MMP24: variants seen among roughly 807,000 people sequenced by gnomAD.
The protein encoded by MMP24 is matrix metallopeptidase 24, also known as matrix metalloproteinase-24.
MMP24 carries 25 observed loss-of-function variants against 62.8 expected under a neutral mutation model. The ratio of observed to expected loss-of-function variants is 0.40; its 90% confidence interval spans 0.29 to 0.56. The LOEUF (loss-of-function observed/expected upper bound fraction) is 0.56, where lower values mean the gene tolerates loss of function less well. Among genes scored for constraint, MMP24 ranks in the 20% least tolerant of loss-of-function variants. The pLI, the probability that MMP24 is intolerant of heterozygous loss-of-function variation, is 0.50. For synonymous variants in MMP24, 319 were observed against 350.5 expected (o/e 0.91, Z 1.00); for missense variants, 634 against 853.6 (o/e 0.74, Z 3.21).
chr20:35,227,118 C>T, intron 1 of MMP24, 134 bp downstream of exon 1: 10 of 734,578 alleles, frequency 1.4e-5, no homozygotes, highest in Non-Finnish European at 1.5e-5. Flanking sequence ...GGGTCCGCGC[C>T]TTGGGTCCGG....
chr20:35,237,432 A>G (rs139553908), intron 1 of MMP24, among the ~76,000 whole-genome samples: 2 of 152,262 alleles, frequency 1.3e-5, no homozygotes, highest in Non-Finnish European at 2.9e-5. Flanking sequence ...TTCCTCTTAT[A>G]AGGATGCTTG....
chr20:35,245,605 C>T (rs762588390), intron 1 of MMP24, among the ~76,000 whole-genome samples: 10 of 151,860 alleles, frequency 6.6e-5, no homozygotes, highest in African/African-American at 9.7e-5. Context: ...TGCACCACCA[C>T]GACTGGCTAA....
At chr20:35,231,743 C>A (rs2060438691) in intron 1 of MMP24, among the ~76,000 whole-genome samples, 1 of 152,100 alleles carries the variant, frequency 6.6e-6, no homozygotes, top group African/African-American at 2.4e-5. Flanking sequence ...TCTAAGGACC[C>A]ACACATAGCT....
rs188446136 is a variant in MMP24, at chr20:35,265,421, G to C, written c.979+1469G>C. 3.2e-3 allele frequency among the ~76,000 whole-genome samples: 478 copies of C among 150,286 alleles called. 1 individual carries two copies. The highest frequency in any genetic ancestry group is 5.3e-3 in the Non-Finnish European group (358 of 67,784). On this transcript the variant is annotated intron_variant, in intron 5 of 8. Transcript: ENST00000246186. ...CACACCACTGCACTCCAGCCTAGGC[G>C]ACAGAGTGAGACTCCGTCTCAAAAA...
chr20:35,269,782 G>C lies in MMP24; in HGVS notation c.1217G>C (p.Arg406Pro). 1 of 1,572,378 alleles carries C rather than the reference G, an allele frequency of 6.4e-7. No individual in the cohort carries two copies. The highest frequency in any genetic ancestry group is 8.6e-7 in the Non-Finnish European group (1 of 1,159,094). Residue 406 changes from arginine (R) to proline (P), a missense_variant, in exon 7 of 9, where the codon CGC becomes CCC. This residue lies in a region of MMP24 where 399 missense variants were observed against 530.8 expected (regional missense o/e 0.75). Coordinates refer to ENST00000246186, the MANE Select transcript of MMP24 (RefSeq NM_006690.4). The surrounding 1 kb of genome is among the most constrained non-coding windows in gnomAD (Gnocchi z 4.6). The part of the protein sequence containing the change: ...VFKDRWFWRL[R>P]NNRVQEGYPM... ...CAGGATCGCTGGTTCTGGCGTCTGC[G>C]CAATAACCGAGTGCAGGAGGGCTAC...
At position 35,246,844 on chromosome 20, in the gene MMP24, GGTTAAA is replaced by G. The variant is rs1188148885; in HGVS notation, c.254_259del (p.Leu85_Lys86del). 1 of 1,613,966 alleles carries G rather than the reference GGTTAAA, an allele frequency of 6.2e-7. No homozygotes were observed. Among genetic ancestry groups the G allele is most frequent in the Non-Finnish European group, 8.5e-7 (1 of 1,179,858 alleles). ...TTTCTTTCCCGTGTCTTTCAGAACTGGTTAAAGTCCTATGGCTATCTGCTTCCCTAT... is the reference window on the plus strand; with the variant it reads ...TTTCTTTCCCGTGTCTTTCAGAACTGGTCCTATGGCTATCTGCTTCCCTAT... On this transcript the variant is annotated inframe_deletion, in exon 2 of 9. Coordinates refer to ENST00000246186, the MANE Select transcript of MMP24 (RefSeq NM_006690.4).
chr20:35,237,975 A>G (rs2060471635), intron 1 of MMP24, among the ~76,000 whole-genome samples: 1 of 152,234 alleles, frequency 6.6e-6, no homozygotes, highest in South Asian at 2.1e-4. Context: ...GCATTAAGCC[A>G]ATATAGCAAT....
intron 1 of MMP24, among the ~76,000 whole-genome samples, chr20:35,245,731 G>A (rs1289301193): frequency 2.0e-5 from 3 of 149,772 alleles, no homozygotes; most frequent in African/African-American, 7.4e-5. Flanking sequence ...TTTTAGGCGC[G>A]AACCACCACG....
At chr20:35,263,979 CT>C in intron 5 of MMP24, 27 bp downstream of exon 5, 1 of 1,573,000 alleles carries the variant, frequency 6.4e-7, no homozygotes, top group Non-Finnish European at 8.6e-7. Context: ...GGGGGGACTG[CT>C]CCTTCCTCGG....
At position 35,271,243 on chromosome 20, in the gene MMP24, A is replaced by G. The variant is rs1379673936; in HGVS notation, c.1334-326A>G. ...GTCAGGGTTTCTGGCTCTGCTGCTCAGGTCCAGTGGGAGAGCCTCAGAGTC... is the reference window on the plus strand; with the variant it reads ...GTCAGGGTTTCTGGCTCTGCTGCTCGGGTCCAGTGGGAGAGCCTCAGAGTC... On this transcript the variant is annotated intron_variant, in intron 7 of 8. Coordinates refer to ENST00000246186, the MANE Select transcript of MMP24 (RefSeq NM_006690.4). The surrounding 1 kb of genome is among the most constrained non-coding windows in gnomAD (Gnocchi z 4.0). 1.3e-5 allele frequency among the ~76,000 whole-genome samples: 2 copies of G among 152,204 alleles called. No homozygotes were observed. The highest frequency in any genetic ancestry group is 2.9e-5 in the Non-Finnish European group (2 of 68,026).
Position 35,271,926 on chromosome 20 carries a change from TC to T in MMP24, c.1600+93del. On this transcript the variant is annotated intron_variant, in intron 8 of 8. Transcript: ENST00000246186. The surrounding 1 kb of genome is among the most constrained non-coding windows in gnomAD (Gnocchi z 4.0). ...CGGGCATACTCAGTGCCCATGGGCG[TC>T]CAGGTTTGAAAAAACACCTGGTGGC... 6 of 1,405,534 alleles carry T rather than the reference TC, an allele frequency of 4.3e-6. No individual in the cohort carries two copies. Among genetic ancestry groups the T allele is most frequent in the Non-Finnish European group, 5.6e-6 (6 of 1,064,196 alleles). 87.1% of individuals were successfully genotyped at this position (1,405,534 alleles called of 1,614,324 possible). A position where few individuals can be genotyped will look rare whatever the true frequency, so the allele number is the denominator to read the frequency against.
At chr20:35,268,837 C>T (rs2060650563) in intron 6 of MMP24, among the ~76,000 whole-genome samples, 1 of 151,920 alleles carries the variant, frequency 6.6e-6, no homozygotes. Context: ...ACCATCCTGG[C>T]TAACATGGTG....
chr20:35,246,305 A>T (rs2060514441), intron 1 of MMP24, among the ~76,000 whole-genome samples: 1 of 151,726 alleles, frequency 6.6e-6, no homozygotes, highest in South Asian at 2.1e-4. Context: ...AAAAAAAAAA[A>T]AATACAAAAA....
intron 7 of MMP24, among the ~76,000 whole-genome samples, chr20:35,270,917 G>A (rs1327781247): frequency 1.3e-5 from 2 of 152,230 alleles, no homozygotes; most frequent in Non-Finnish European, 2.9e-5. Flanking sequence ...GCACGTGCCT[G>A]TAATCCTAGC....
At chr20:35,243,589 G>A (rs2060499352) in intron 1 of MMP24, among the ~76,000 whole-genome samples, 2 of 150,386 alleles carry the variant, frequency 1.3e-5, no homozygotes, top group South Asian at 4.2e-4. Flanking sequence ...TTCCCTCGAG[G>A]ATGTTAAAGT....
At chr20:35,252,058 T>C in intron 3 of MMP24, 37 bp downstream of exon 3, 1 of 1,509,444 alleles carries the variant, frequency 6.6e-7, no homozygotes, top group African/African-American at 1.4e-5. Flanking sequence ...TGCCTTTGGC[T>C]CCACCCTCAC....
At position 35,226,796 on chromosome 20, in the gene MMP24, C is replaced by T. The variant is rs2060414908; in HGVS notation, c.58C>T (p.Pro20Ser). Residue 20 changes from proline to serine, a missense_variant, in exon 1 of 9, where the codon CCG (proline) becomes TCG (serine). By Grantham distance (74) the Pro-to-Ser change is moderately conservative. Coordinates refer to ENST00000246186, the MANE Select transcript of MMP24 (RefSeq NM_006690.4). ...APGPPPPPPP[P>S]GQAPRWSRWR... ...GGGGCCGCCGCCGCCGCCGCCGCCGCCGGGCCAGGCCCCGCGCTGGAGCCG... is the reference window on the plus strand; with the variant it reads ...GGGGCCGCCGCCGCCGCCGCCGCCGTCGGGCCAGGCCCCGCGCTGGAGCCG... 1 of 791,156 alleles carries T rather than the reference C, an allele frequency of 1.3e-6. No homozygotes were observed. The highest frequency in any genetic ancestry group is 5.9e-5 in the African/African-American group (1 of 17,078). The allele number at this position is 791,156 out of a possible 1,614,324, so 49.0% of individuals were successfully genotyped here. A position where few individuals can be genotyped will look rare whatever the true frequency, so the allele number is the denominator to read the frequency against.
intron 4 of MMP24, chr20:35,256,510 G>C (rs1482751920): frequency 6.6e-6 from 1 of 151,904 alleles, no homozygotes; most frequent in Non-Finnish European, 1.5e-5. Context: ...ACCTGAGGTC[G>C]GGAGTTCAAG....
At chr20:35,231,704 A>G (rs2060438408) in intron 1 of MMP24, among the ~76,000 whole-genome samples, 1 of 152,172 alleles carries the variant, frequency 6.6e-6, no homozygotes, top group African/African-American at 2.4e-5. Flanking sequence ...AAGGAGACTC[A>G]AAGATGATGT....
Sources: gnomAD v4.1 joint callset for allele counts (sites outside exome capture counted in the v4.1 genomes callset) on GRCh38, gnomAD v4.1.1 for gene constraint, gnomAD v4.1.1 regional missense constraint, Gnocchi (gnomAD v3.1) non-coding constraint, MANE v1.5 for transcripts, NCBI Gene and HGNC (gene_info 2026-07-23, HGNC 2026-07-21) for gene names.